Variants in GPR89B observed in about 807,000 individuals in gnomAD.
GPR89B encodes the protein G protein-coupled receptor 89B.
GPR89B carries 25 observed loss-of-function variants against 52.4 expected under a neutral mutation model. That is an observed-to-expected ratio of 0.48 (90% confidence interval 0.35 to 0.67). The LOEUF is 0.67. Among genes scored for constraint, GPR89B ranks in the 30% least tolerant of loss-of-function variants. GPR89B has a pLI of 0.01. For synonymous variants in GPR89B, 52 were observed against 151.2 expected (o/e 0.34, Z 4.81); for missense variants, 146 against 450.2 (o/e 0.32, Z 6.11).
intron 12 of GPR89B, among the ~76,000 whole-genome samples, chr1:147,989,324 GT>G (rs1658890120): frequency 6.6e-6 from 1 of 152,140 alleles, no homozygotes; most frequent in East Asian, 1.9e-4. Flanking sequence ...TTATAATGCT[GT>G]GAGAAAAATG....
At chr1:147,981,321 A>G (rs1333812112) in intron 10 of GPR89B, among the ~76,000 whole-genome samples, 2 of 150,832 alleles carry the variant, frequency 1.3e-5, no homozygotes, top group Admixed American at 1.3e-4. Flanking sequence ...CCTCCCCGAC[A>G]CACACACATA....
At chr1:147,970,502 T>TCTCTCC (rs1558058804) in intron 10 of GPR89B, among the ~76,000 whole-genome samples, 1 of 136,740 alleles carries the variant, frequency 7.3e-6, no homozygotes, top group Non-Finnish European at 1.5e-5. Context: ...TCTCTCTCTC[T>TCTCTCC]CTCTCTCTCT....
chr1:147,952,671 A>G (rs1324844740), intron 5 of GPR89B, among the ~76,000 whole-genome samples: 2 of 152,052 alleles, frequency 1.3e-5, no homozygotes, highest in Non-Finnish European at 2.9e-5. Context: ...ATTCTTCAGC[A>G]TTGGCTTTCT....
At chr1:148,017,094 T>G in the GPR89B span, among the ~76,000 whole-genome samples, 26 of 151,868 alleles carry the variant, frequency 1.7e-4, no homozygotes, top group East Asian at 4.9e-3. Flanking sequence ...CAGGCTGGAG[T>G]GCAGTGGCGC....
intron 10 of GPR89B, among the ~76,000 whole-genome samples, chr1:147,982,221 G>A (rs1335663549): frequency 0.044 from 6,710 of 150,978 alleles, 252 homozygotes; most frequent in African/African-American, 0.075. Context: ...AACCACTCCC[G>A]GCTAACTTTT....
At chr1:147,948,029 TTA>T (rs1416769749) in intron 5 of GPR89B, among the ~76,000 whole-genome samples, 2 of 152,200 alleles carry the variant, frequency 1.3e-5, no homozygotes, top group African/African-American at 4.8e-5. Context: ...CCCCTGAAAT[TTA>T]TAGTCTTGTG....
chr1:147,936,594 A>T (rs1553247929), intron 1 of GPR89B, 33 bp from the exon 2 acceptor site: 1 of 1,560,320 alleles, frequency 6.4e-7, no homozygotes. Flanking sequence ...AAAAGAAAAT[A>T]TGTATTGACA....
intron 5 of GPR89B, among the ~76,000 whole-genome samples, chr1:147,950,200 T>A (rs1461224542): frequency 7.9e-6 from 1 of 127,042 alleles, no homozygotes; most frequent in Admixed American, 8.2e-5. Flanking sequence ...AGGCGGAGGG[T>A]CTCCTCACTT....
At chr1:147,985,258 C>T (rs1453601022) in intron 10 of GPR89B, among the ~76,000 whole-genome samples, 6 of 151,648 alleles carry the variant, frequency 4.0e-5, no homozygotes, top group East Asian at 1.9e-4. Context: ...CTACTTTGTC[C>T]GACATTAATA....
chr1:148,020,591 C>T, the GPR89B span, among the ~76,000 whole-genome samples: 1 of 151,138 alleles, frequency 6.6e-6, no homozygotes, highest in Non-Finnish European at 1.5e-5. Context: ...CTTACTGTGC[C>T]GCGCTAATAA....
rs1434489339 is a variant in GPR89B at position 147,986,202 on chromosome 1, A to G, written c.913A>G (p.Thr305Ala). Residue 305 changes from threonine (T) to alanine (A), a missense_variant, in exon 11 of 14, where the codon ACC becomes GCC. Transcript: ENST00000314163. ...GTAAAAATCTGCATCTTTGCAGGCTACCATCAATATTGTTTTTGATCGAGT... is the reference window on the plus strand; with the variant it reads ...GTAAAAATCTGCATCTTTGCAGGCTGCCATCAATATTGTTTTTGATCGAGT... ...IYCVWKIFMA[T>A]INIVFDRVGK... The G allele has an allele frequency of 1.9e-6, 3 of 1,611,126 alleles. No individual in the cohort carries two copies. Among genetic ancestry groups the G allele is most frequent in the East Asian group, 2.2e-5 (1 of 44,858 alleles).
At chr1:147,947,692 G>C (rs1237352034) in intron 5 of GPR89B, among the ~76,000 whole-genome samples, 3 of 152,110 alleles carry the variant, frequency 2.0e-5, no homozygotes, top group Non-Finnish European at 2.9e-5. Flanking sequence ...AGGAATAAAG[G>C]TAGAGGGGGA....
the GPR89B span, chr1:148,011,392 C>G: frequency 2.0e-5 from 3 of 152,174 alleles, no homozygotes; most frequent in South Asian, 6.2e-4. Context: ...CTAAATAAAG[C>G]CTTTGCTACT....
At chr1:148,000,844 G>C in the GPR89B span, among the ~76,000 whole-genome samples, 1 of 142,856 alleles carries the variant, frequency 7.0e-6, no homozygotes, top group Non-Finnish European at 1.5e-5. Context: ...TTATGATAAA[G>C]AGCTGTTAAG....
At chr1:147,995,450 A>G, downstream of GPR89B, 1 of 814,148 alleles carries the variant, frequency 1.2e-6, no homozygotes, top group South Asian at 1.8e-5. Flanking sequence ...GTCCTCTACA[A>G]TAACTTGATT....
intron 5 of GPR89B, among the ~76,000 whole-genome samples, chr1:147,950,106 T>G (rs1571254229): frequency 1.4e-5 from 2 of 147,780 alleles, no homozygotes. Context: ...ACGGGGTGGC[T>G]GCCGGGCAGA....
the GPR89B span, among the ~76,000 whole-genome samples, chr1:148,023,308 T>C: frequency 6.8e-6 from 1 of 146,720 alleles, no homozygotes; most frequent in South Asian, 2.3e-4. Context: ...TTCCATGTTG[T>C]GTATGTACCA....
chr1:148,019,196 C>A, the GPR89B span, among the ~76,000 whole-genome samples: 1 of 151,070 alleles, frequency 6.6e-6, no homozygotes, highest in Non-Finnish European at 1.5e-5. Context: ...AGGCTGGTCT[C>A]GAACTCCTGA....
chr1:147,930,435 A>C (rs1436221056), intron 1 of GPR89B, among the ~76,000 whole-genome samples: 1 of 151,704 alleles, frequency 6.6e-6, no homozygotes, highest in African/African-American at 2.4e-5. Flanking sequence ...TTGTATATTC[A>C]TGTGTTTGTT....
Sources: gnomAD v4.1 joint callset for allele counts (sites outside exome capture counted in the v4.1 genomes callset) on GRCh38, gnomAD v4.1.1 for gene constraint, MANE v1.5 for transcripts, NCBI Gene and HGNC (gene_info 2026-07-23, HGNC 2026-07-21) for gene names.